ARID4B: variants seen among roughly 807,000 people sequenced by gnomAD.
The protein encoded by ARID4B is AT-rich interaction domain 4B.
Under a neutral mutation model 147.5 loss-of-function variants are expected in ARID4B, and 26 were observed. The ratio of observed to expected loss-of-function variants is 0.18; its 90% CI spans 0.13 to 0.24. ARID4B has a LOEUF of 0.24. ARID4B is among the 10% of genes least tolerant of loss of function. The pLI is 1.00. For missense variants in ARID4B, 1,179 were observed against 1,511.5 expected (o/e 0.78, Z 3.65); for synonymous variants, 512 against 507.9 (o/e 1.01, Z -0.11).
intron 2 of ARID4B, among the ~76,000 whole-genome samples, chr1:235,292,104 C>G (rs991393998): frequency 6.6e-6 from 1 of 152,140 alleles, no homozygotes; most frequent in African/African-American, 2.4e-5. Flanking sequence ...TTTAATAATA[C>G]AGATACAACT....
At chr1:235,230,819 A>G (rs1205961052) in intron 10 of ARID4B, among the ~76,000 whole-genome samples, 1 of 151,672 alleles carries the variant, frequency 6.6e-6, no homozygotes, top group Non-Finnish European at 1.5e-5. Context: ...GTTACTCGGG[A>G]GGCTGAGGCA....
At chr1:235,175,156 A>T in intron 22 of ARID4B, 28 bp downstream of exon 22, 1 of 1,571,796 alleles carries the variant, frequency 6.4e-7, no homozygotes, top group Non-Finnish European at 8.8e-7. Flanking sequence ...TGAAGTTTGT[A>T]TGCTTGTCAA....
At chr1:235,249,580 G>A (rs893783186) in intron 6 of ARID4B, among the ~76,000 whole-genome samples, 2 of 152,008 alleles carry the variant, frequency 1.3e-5, no homozygotes, top group Non-Finnish European at 2.9e-5. Flanking sequence ...CAGATCATGA[G>A]GTCAGGAGAT....
chr1:235,177,684 G>T, intron 21 of ARID4B, 116 bp downstream of exon 21: 2 of 599,868 alleles, frequency 3.3e-6, no homozygotes, highest in South Asian at 3.1e-5. Context: ...TTTTTTGAGT[G>T]TACAGACAAA....
chr1:235,168,700 TAAC>T (rs768594153), intron 23 of ARID4B, 48 bp from the exon 24 acceptor site: 2 of 1,579,528 alleles, frequency 1.3e-6, no homozygotes, highest in Non-Finnish European at 1.7e-6. Flanking sequence ...AATTTATGTC[TAAC>T]AATAGACAGA....
Position 235,213,947 on chromosome 1 carries a change from C to T in ARID4B, c.1663G>A (p.Glu555Lys), listed in dbSNP as rs1312669662. The stretch of plus-strand genomic sequence containing the variant: ...TCCTCATTGTTGTCATCATCATCTT[C>T]ATCCTCTTCTTCTTCTTCCTCCTCC... The part of the protein sequence containing the change: ...EEEEEEEEED[E>K]DDDDNNEEEE... The change falls in exon 17 of 24, where the codon GAA becomes AAA. Residue 555 changes from glutamate to lysine, a missense_variant. Glu to Lys is a moderately conservative substitution (Grantham distance 56). This residue lies in a region of ARID4B where 204 missense variants were observed against 210.9 expected (regional missense o/e 0.97). Coordinates refer to ENST00000264183, the MANE Select transcript of ARID4B (RefSeq NM_016374.6). 16 of 1,607,764 alleles carry T rather than the reference C, an allele frequency of 1.0e-5. No homozygotes were observed. Among genetic ancestry groups the T allele is most frequent in the African/African-American group, 1.3e-5 (1 of 74,314 alleles).
chr1:235,224,694 A>AAT lies in ARID4B; in HGVS notation c.970+7_970+8dup, dbSNP rs769787764. ...CTTACCACGTTAATGATAAATAAAA[A>AAT]ATACTCACCTCTATCTTCCATAAAT... On this transcript the variant is annotated intron_variant, in intron 12 of 23. Transcript: ENST00000264183. 1.3e-6 allele frequency: 2 copies of AAT among 1,546,094 alleles called. No homozygotes were observed. Among genetic ancestry groups the AAT allele is most frequent in the Non-Finnish European group, 1.8e-6 (2 of 1,125,708 alleles).
intron 13 of ARID4B, 75 bp from the exon 14 acceptor site, chr1:235,221,737 A>AT: frequency 3.1e-6 from 2 of 646,178 alleles, no homozygotes; most frequent in Non-Finnish European, 5.2e-6. Context: ...GACACAGTAT[A>AT]TATGAGTATA....
intron 2 of ARID4B, among the ~76,000 whole-genome samples, chr1:235,296,843 A>G (rs199875880): frequency 2.7e-4 from 13 of 48,954 alleles, no homozygotes; most frequent in African/African-American, 7.0e-4. Context: ...GGAAGGGAGG[A>G]AGGAGGGAGG....
chr1:235,322,225 A>C (rs771742795), intron 2 of ARID4B, among the ~76,000 whole-genome samples: 4 of 152,020 alleles, frequency 2.6e-5, no homozygotes, highest in Non-Finnish European at 4.4e-5. Context: ...ACAGGGTTTC[A>C]CCATGTTGGC....
chr1:235,263,869 C>T (rs1572105516), intron 2 of ARID4B, among the ~76,000 whole-genome samples: 2 of 151,930 alleles, frequency 1.3e-5, no homozygotes, highest in South Asian at 4.2e-4. Flanking sequence ...TGGCGCACAC[C>T]TGTAGTCCTA....
chr1:235,197,470 G>A (rs1665581164), intron 17 of ARID4B, among the ~76,000 whole-genome samples: 1 of 152,174 alleles, frequency 6.6e-6, no homozygotes, highest in African/African-American at 2.4e-5. Context: ...ACAAACTACT[G>A]GCTTGTAGCC....
In ARID4B at chr1:235,220,243, T is replaced by C; in HGVS notation, c.1407+59A>G. 5 of 1,464,674 alleles carry C rather than the reference T, an allele frequency of 3.4e-6. No homozygotes were observed. The South Asian group carries it at 5.6e-5, about 16-fold the overall frequency. 90.7% of individuals were successfully genotyped at this position (1,464,674 alleles called of 1,614,324 possible). On this transcript the variant is annotated intron_variant, in intron 15 of 23. Transcript: ENST00000264183. ...ACAATATATTGATTTTGGAACTTTA[T>C]AGAGGATATGGAAAATATACCAAAG... is the stretch of plus-strand genomic sequence containing the variant.
chr1:235,296,825 G>GA (rs1173466310), intron 2 of ARID4B, among the ~76,000 whole-genome samples: 6 of 108,382 alleles, frequency 5.5e-5, no homozygotes, highest in African/African-American at 2.3e-4. Context: ...AAGGAAGGAA[G>GA]GAAGGAAGGA....
chr1:235,181,942 C>T lies in ARID4B; in HGVS notation c.2977G>A (p.Asp993Asn), dbSNP rs747608284. The change falls in exon 20 of 24, where the codon GAT becomes AAT. Residue 993 changes from aspartate to asparagine, a missense_variant. Transcript: ENST00000264183. Reference sequence around the variant, plus strand: ...GTTTTTTCTTCAATGGGTTTACTATCGACATTGACTGGAGGTGGTTTTTCT... The same window carrying T: ...GTTTTTTCTTCAATGGGTTTACTATTGACATTGACTGGAGGTGGTTTTTCT... ...ELEKPPPVNV[D>N]SKPIEEKTVE... The T allele has an allele frequency of 2.6e-5, 42 of 1,613,992 alleles. No individual in the cohort carries two copies. Among genetic ancestry groups the T allele is most frequent in the South Asian group, 3.3e-5 (3 of 91,088 alleles).
chr1:235,189,399 C>CAA (rs11299121), intron 19 of ARID4B, among the ~76,000 whole-genome samples: 266 of 58,828 alleles, frequency 4.5e-3, no homozygotes, highest in Middle Eastern at 0.017. Flanking sequence ...GACTCAGTCT[C>CAA]AAAAAAAAAA....
At chr1:235,306,906 C>T (rs1673613490) in intron 2 of ARID4B, among the ~76,000 whole-genome samples, 1 of 152,072 alleles carries the variant, frequency 6.6e-6, no homozygotes, top group Admixed American at 6.6e-5. Flanking sequence ...CAATTTTCCC[C>T]GCCTCAGCCT....
chr1:235,194,280 C>T, intron 18 of ARID4B, 69 bp from the exon 19 acceptor site: 1 of 1,119,304 alleles, frequency 8.9e-7, no homozygotes, highest in Admixed American at 2.1e-5. Flanking sequence ...TTAATGTCCA[C>T]TTTTAACTCA....
intron 2 of ARID4B, among the ~76,000 whole-genome samples, chr1:235,290,034 T>C (rs913714689): frequency 3.5e-5 from 5 of 143,340 alleles, no homozygotes; most frequent in African/African-American, 1.3e-4. Context: ...ACTCTATCTC[T>C]AAAAAAAAAA....
Sources: allele counts gnomAD v4.1 joint callset (sites outside exome capture counted in the v4.1 genomes callset), GRCh38; gene constraint gnomAD v4.1.1; regional missense constraint gnomAD v4.1.1; transcripts MANE v1.5; gene names NCBI Gene and HGNC (gene_info 2026-07-23, HGNC 2026-07-21).